NLRC5: variants seen among roughly 807,000 people sequenced by gnomAD.
The protein encoded by NLRC5 is protein NLRC5.
Under a neutral mutation model 206.9 loss-of-function variants are expected in NLRC5, and 114 were observed. The observed-to-expected ratio is 0.55, with a 90% CI of 0.47 to 0.64. NLRC5 has a LOEUF of 0.64. Among genes scored for constraint, NLRC5 ranks in the 30% least tolerant of loss-of-function variants. NLRC5 has a pLI of 0.00. For missense variants in NLRC5, 2,008 were observed against 2,305.5 expected, an observed-to-expected ratio of 0.87 and a Z score of 2.64; for synonymous variants, 952 against 962.8, an observed-to-expected ratio of 0.99 and a Z score of 0.21.
At chr16:57,076,942 G>A in intron 40 of NLRC5, 40 bp downstream of exon 40, 1 of 1,589,762 alleles carries the variant, frequency 6.3e-7, no homozygotes, top group Non-Finnish European at 8.6e-7. Flanking sequence ...GGACAATTTT[G>A]GCCGGGAAAG....
chr16:57,061,419 C>T (rs768663635), intron 30 of NLRC5, 29 bp from the exon 31 acceptor site: 2 of 1,604,152 alleles, frequency 1.2e-6, no homozygotes. Flanking sequence ...AGGCCTCACC[C>T]AGGCTCTGCC....
chr16:57,021,402 A>G (rs916528041), intron 3 of NLRC5, among the ~76,000 whole-genome samples: 1 of 152,086 alleles, frequency 6.6e-6, no homozygotes, highest in Non-Finnish European at 1.5e-5. Flanking sequence ...TCTGTTGCCT[A>G]GGCTGGAGTG....
chr16:57,037,211 C>T lies in NLRC5; in HGVS notation c.2728C>T (p.Leu910Phe). The T allele has an allele frequency of 7.4e-6, 12 of 1,613,832 alleles. No individual in the cohort carries two copies. Among genetic ancestry groups the T allele is most frequent in the African/African-American group, 1.3e-5 (1 of 75,026 alleles). The change falls in exon 15 of 49, where the codon CTT becomes TTT. Residue 910 changes from leucine (L) to phenylalanine (F), a missense_variant. Coordinates refer to ENST00000688547, the MANE Select transcript of NLRC5 (RefSeq NM_001384950.1). Reference protein sequence around the residue: ...ARKLDLSNNGLSVAGVHCVLR... With the variant: ...ARKLDLSNNGFSVAGVHCVLR... ...TCTCCACAGCCTCAGTAACAACGGG[C>T]TTTCTGTGGCCGGGGTGCATTGTGT... is the stretch of plus-strand genomic sequence containing the variant.
At chr16:57,045,584 C>G (rs2143911932) in intron 21 of NLRC5, 92 bp downstream of exon 21, 1 of 1,255,666 alleles carries the variant, frequency 8.0e-7, no homozygotes, top group South Asian at 1.2e-5. Flanking sequence ...ATGCTGACCA[C>G]TCAGCTCTCA....
At chr16:57,060,472 C>T (rs1388438352) in intron 30 of NLRC5, among the ~76,000 whole-genome samples, 1 of 151,608 alleles carries the variant, frequency 6.6e-6, no homozygotes, top group South Asian at 2.1e-4. Flanking sequence ...ACACAGCACA[C>T]ACAACACACA....
rs550232693 is a variant in NLRC5, at chr16:57,055,666, C to T, written c.3746+147C>T. 1.5e-5 allele frequency: 10 copies of T among 651,242 alleles called. 1 individual carries two copies. The highest frequency in any genetic ancestry group is 1.4e-4 in the South Asian group (8 of 57,916). 40.3% of individuals were successfully genotyped at this position (651,242 alleles called of 1,614,324 possible). A position where few individuals can be genotyped will look rare whatever the true frequency, so the allele number is the denominator to read the frequency against. On this transcript the variant is annotated intron_variant, in intron 27 of 48. Coordinates refer to ENST00000688547, the MANE Select transcript of NLRC5 (RefSeq NM_001384950.1). ...CCAGCTGTCAGGGATGCCTGGGTCACATACCCAAAGCTTCCCTGAATCAAT... is the reference window on the plus strand; with the variant it reads ...CCAGCTGTCAGGGATGCCTGGGTCATATACCCAAAGCTTCCCTGAATCAAT...
chr16:57,081,136 A>C lies in NLRC5; in HGVS notation c.5360A>C (p.Glu1787Ala), dbSNP rs899367009. The C allele has an allele frequency of 1.3e-6, 2 of 1,546,202 alleles. No homozygotes were observed. Among genetic ancestry groups the C allele is most frequent in the African/African-American group, 2.7e-5 (2 of 73,152 alleles). Residue 1787 changes from glutamate to alanine, a missense_variant, in exon 47 of 49, where the codon GAG becomes GCG. Coordinates refer to ENST00000688547, the MANE Select transcript of NLRC5 (RefSeq NM_001384950.1). The stretch of plus-strand genomic sequence containing the variant: ...CTCCTCGGGGATGAGGCAGCTGCCG[A>C]GCTGGCCCAGGTGCTGCCGCAGATG... The part of the protein sequence containing the change: ...WNLLGDEAAA[E>A]LAQVLPQMGR...
At chr16:57,038,209 A>AT (rs1375848979) in intron 15 of NLRC5, among the ~76,000 whole-genome samples, 1 of 152,212 alleles carries the variant, frequency 6.6e-6, no homozygotes, top group Non-Finnish European at 1.5e-5. Flanking sequence ...AAAAATGATA[A>AT]TATAGGTGCA....
chr16:57,070,105 G>A (rs192582459), intron 37 of NLRC5, among the ~76,000 whole-genome samples, 186 bp downstream of exon 37: 15 of 152,296 alleles, frequency 9.8e-5, no homozygotes, highest in Non-Finnish European at 2.1e-4. Context: ...TCTGAATTTC[G>A]CCACTGACTC....
chr16:57,059,333 G>A (rs916485760), intron 29 of NLRC5, 134 bp from the exon 30 acceptor site: 3 of 1,481,844 alleles, frequency 2.0e-6, no homozygotes, highest in African/African-American at 2.8e-5. Flanking sequence ...GTCTCCTCTG[G>A]TTCTGAGGCC....
intron 1 of NLRC5, among the ~76,000 whole-genome samples, chr16:56,994,128 G>A (rs890320894): frequency 3.3e-5 from 5 of 151,682 alleles, no homozygotes; most frequent in Non-Finnish European, 7.4e-5. Context: ...ATTTTGGGTG[G>A]GAAGAGAGTG....
At chr16:56,997,175 A>G (rs2057716105) in intron 1 of NLRC5, among the ~76,000 whole-genome samples, 1 of 152,096 alleles carries the variant, frequency 6.6e-6, no homozygotes, top group South Asian at 2.1e-4. Flanking sequence ...CCCGGCCAGC[A>G]TAGATTTTAA....
intron 28 of NLRC5, 137 bp from the exon 29 acceptor site, chr16:57,058,835 C>G: frequency 1.3e-6 from 1 of 765,084 alleles, no homozygotes; most frequent in Non-Finnish European, 2.3e-6. Flanking sequence ...CTCAGTGTGT[C>G]CATCTGGAGA....
At chr16:57,040,329 G>A (rs976642247) in intron 16 of NLRC5, among the ~76,000 whole-genome samples, 3 of 152,206 alleles carry the variant, frequency 2.0e-5, no homozygotes, top group Non-Finnish European at 4.4e-5. Context: ...CTGAAGGCTC[G>A]ATTCCAGCTG....
At chr16:57,021,250 C>T (rs2060637346) in intron 3 of NLRC5, 1 of 472,414 alleles carries the variant, frequency 2.1e-6, no homozygotes, top group Non-Finnish European at 3.8e-6. Flanking sequence ...TGACTGCTTC[C>T]AGCCACAAAA....
intron 8 of NLRC5, among the ~76,000 whole-genome samples, chr16:57,028,761 C>T (rs1202365002): frequency 6.6e-6 from 1 of 152,220 alleles, no homozygotes; most frequent in Non-Finnish European, 1.5e-5. Context: ...TCTACACTTG[C>T]ACAGAAGTAC....
rs1488395254 is a variant in NLRC5, at chr16:57,069,424, A to G, written c.4500-412A>G. 7.2e-5 allele frequency among the ~76,000 whole-genome samples: 11 copies of G among 152,168 alleles called. 1 individual carries two copies. The highest frequency in any genetic ancestry group is 2.7e-4 in the African/African-American group (11 of 41,498). ...CCAGCCTGAGCAACATAGCGAGACC[A>G]CCCCCATCTCTACAAAAAATAAATA... On this transcript the variant is annotated intron_variant, in intron 36 of 48. Coordinates refer to ENST00000688547, the MANE Select transcript of NLRC5 (RefSeq NM_001384950.1).
chr16:56,994,874 G>A (rs2057411979), intron 1 of NLRC5, among the ~76,000 whole-genome samples: 1 of 152,168 alleles, frequency 6.6e-6, no homozygotes, highest in Non-Finnish European at 1.5e-5. Context: ...ATTTTGTTTT[G>A]TAATTTAATA....
chr16:56,996,743 C>T (rs1201258613), intron 1 of NLRC5, among the ~76,000 whole-genome samples: 2 of 151,964 alleles, frequency 1.3e-5, no homozygotes, highest in East Asian at 1.9e-4. Context: ...AGGTTATGTT[C>T]GTAAACAGGA....
Sources: allele counts gnomAD v4.1 joint callset (sites outside exome capture counted in the v4.1 genomes callset), GRCh38; gene constraint gnomAD v4.1.1; transcripts MANE v1.5; gene names NCBI Gene and HGNC (gene_info 2026-07-23, HGNC 2026-07-21).